RAD23B: variants seen among roughly 807,000 people sequenced by gnomAD.
RAD23B encodes lysine-specific demethylase RAD23B.
A neutral mutation model predicts 49.1 loss-of-function variants in RAD23B; 5 were observed. The observed-to-expected ratio is 0.10, with a 90% confidence interval of 0.05 to 0.21. The LOEUF is 0.21. Among genes scored for constraint, RAD23B ranks in the 10% least tolerant of loss-of-function variants. RAD23B has a pLI of 1.00. For synonymous variants in RAD23B, 184 were observed against 165.4 expected, an observed-to-expected ratio of 1.11 and a Z score of -0.86; for missense variants, 356 against 486.7, an observed-to-expected ratio of 0.73 and a Z score of 2.53.
rs202025007 is a variant in RAD23B, at chr9:107,299,920, TC to T, written c.67-220del. The stretch of plus-strand genomic sequence containing the variant: ...AGTTCAACTAGTAAATTTTTAAAAA[TC>T]TGTGTGTATCAGATGGTGTTAAAGT... On this transcript the variant is annotated intron_variant, in intron 1 of 9. Coordinates refer to ENST00000358015, the MANE Select transcript of RAD23B (RefSeq NM_002874.5). Among the ~76,000 whole-genome samples, 64 of 152,286 alleles carry T rather than the reference TC, an allele frequency of 4.2e-4. 2 individuals are homozygous for T. The East Asian group carries it at 0.011, about 26-fold the overall frequency.
intron 1 of RAD23B, among the ~76,000 whole-genome samples, chr9:107,285,302 G>C (rs1337757753): frequency 6.6e-6 from 1 of 152,188 alleles, no homozygotes; most frequent in Admixed American, 6.5e-5. Flanking sequence ...GAGTTTGTTT[G>C]ATGATTTCAG....
At chr9:107,297,253 G>T (rs1024634571) in intron 1 of RAD23B, among the ~76,000 whole-genome samples, 39 of 151,672 alleles carry the variant, frequency 2.6e-4, no homozygotes, top group African/African-American at 9.0e-4. Flanking sequence ...AACATTTTTA[G>T]TGTTTAGTCT....
chr9:107,331,358 C>A lies in RAD23B; in HGVS notation c.*1702C>A. On this transcript the variant is annotated 3_prime_UTR_variant, in exon 10 of 10. Coordinates refer to ENST00000358015, the MANE Select transcript of RAD23B (RefSeq NM_002874.5). ...TCTATACTAAAAATACAAAAAATAG[C>A]CAGGCATGGTGGCGCACGCCTGTGG... is the stretch of plus-strand genomic sequence containing the variant. The A allele has an allele frequency of 4.3e-6, 1 of 231,852 alleles. No individual in the cohort carries two copies. The highest frequency in any genetic ancestry group is 8.4e-6 in the Non-Finnish European group (1 of 119,640). The allele number at this position is 231,852 out of a possible 1,614,324, so 14.4% of individuals were successfully genotyped here. A position where few individuals can be genotyped will look rare whatever the true frequency, so the allele number is the denominator to read the frequency against.
intron 3 of RAD23B, among the ~76,000 whole-genome samples, chr9:107,304,843 A>T (rs1357705187): frequency 6.6e-6 from 1 of 152,168 alleles, no homozygotes; most frequent in Non-Finnish European, 1.5e-5. Context: ...TACAGTCAGA[A>T]ATCTGCATAT....
intron 6 of RAD23B, among the ~76,000 whole-genome samples, chr9:107,321,438 A>G (rs946885737): frequency 6.6e-6 from 1 of 152,164 alleles, no homozygotes; most frequent in Non-Finnish European, 1.5e-5. Flanking sequence ...GTCTGTATCC[A>G]TTAGATATTT....
At position 107,329,714 on chromosome 9, in the gene RAD23B, G is replaced by A. The variant is rs1827273337; in HGVS notation, c.*58G>A. The A allele has an allele frequency of 9.0e-7, 1 of 1,114,678 alleles. No individual in the cohort carries two copies. The highest frequency in any genetic ancestry group is 1.3e-6 in the Non-Finnish European group (1 of 762,562). The allele number at this position is 1,114,678 out of a possible 1,614,324, so 69.0% of individuals were successfully genotyped here. On this transcript the variant is annotated 3_prime_UTR_variant, in exon 10 of 10. Coordinates refer to ENST00000358015, the MANE Select transcript of RAD23B (RefSeq NM_002874.5). ...AGTGCATTACACTAACTTGTTCACT[G>A]GATTGTCTGGGATGACTTGGGCTCA...
chr9:107,300,268 TTTAG>T (rs1481384260), intron 2 of RAD23B, 46 bp downstream of exon 2: 1 of 1,564,434 alleles, frequency 6.4e-7, no homozygotes, highest in Non-Finnish European at 8.6e-7. Flanking sequence ...TTGATATTCT[TTTAG>T]TTTTAGAAAT....
chr9:107,326,739 T>A (rs1028322818), intron 9 of RAD23B, among the ~76,000 whole-genome samples: 36 of 139,534 alleles, frequency 2.6e-4, no homozygotes, highest in Non-Finnish European at 4.6e-4. Flanking sequence ...GTTCACACCA[T>A]TCTCCTGCCT....
intron 1 of RAD23B, among the ~76,000 whole-genome samples, chr9:107,288,644 C>T (rs933048703): frequency 5.3e-5 from 8 of 152,088 alleles, no homozygotes; most frequent in African/African-American, 1.9e-4. Flanking sequence ...GACAGGGTTT[C>T]ATCATGTTGC....
At chr9:107,312,508 C>G (rs530685086) in intron 5 of RAD23B, among the ~76,000 whole-genome samples, 87 of 152,274 alleles carry the variant, frequency 5.7e-4, no homozygotes, top group African/African-American at 2.0e-3. Context: ...GCTAGTTGGA[C>G]TGGAACTCCG....
At chr9:107,327,442 T>A (rs1827228720) in intron 9 of RAD23B, among the ~76,000 whole-genome samples, 1 of 152,224 alleles carries the variant, frequency 6.6e-6, no homozygotes. Flanking sequence ...TATAGTAGCA[T>A]CCCATAAGTT....
At chr9:107,324,296 A>G (rs1330041592) in intron 8 of RAD23B, among the ~76,000 whole-genome samples, 1 of 152,194 alleles carries the variant, frequency 6.6e-6, no homozygotes, top group Non-Finnish European at 1.5e-5. Context: ...TATGTTAAAG[A>G]ATTTGGGAAG....
chr9:107,314,274 T>C (rs929726026), intron 5 of RAD23B, among the ~76,000 whole-genome samples: 1 of 152,230 alleles, frequency 6.6e-6, no homozygotes, highest in African/African-American at 2.4e-5. Flanking sequence ...TGGTGAAGTT[T>C]GGGCTTTTAG....
At chr9:107,290,824 A>G (rs1171296115) in intron 1 of RAD23B, among the ~76,000 whole-genome samples, 2 of 152,218 alleles carry the variant, frequency 1.3e-5, no homozygotes, top group Non-Finnish European at 2.9e-5. Flanking sequence ...AGATTGACAT[A>G]ATCAGCAATT....
At chr9:107,314,747 C>T (rs754817967) in intron 5 of RAD23B, among the ~76,000 whole-genome samples, 12 of 152,124 alleles carry the variant, frequency 7.9e-5, no homozygotes, top group Admixed American at 3.9e-4. Flanking sequence ...CAGAAATTTC[C>T]GTACTGTTTT....
chr9:107,330,076 TGGA>T lies in RAD23B; in HGVS notation c.*421_*423del, dbSNP rs1827280548. ...TACAGTCTCTGTTTCATGGCAACACTGGATAATGGCTTTGTGAAATTTAAAAAA... is the reference window on the plus strand; with the variant it reads ...TACAGTCTCTGTTTCATGGCAACACTTAATGGCTTTGTGAAATTTAAAAAA... On this transcript the variant is annotated 3_prime_UTR_variant, in exon 10 of 10. Transcript: ENST00000358015. The surrounding 1 kb of genome is among the most constrained non-coding windows in gnomAD (Gnocchi z 4.4). The T allele has an allele frequency of 6.5e-5, 10 of 152,920 alleles. No homozygotes were observed. Among genetic ancestry groups the T allele is most frequent in the Admixed American group, 5.2e-4 (8 of 15,300 alleles). The allele number at this position is 152,920 out of a possible 1,614,324, so 9.5% of individuals were successfully genotyped here.
rs531691122 is a variant in RAD23B at position 107,285,001 on chromosome 9, TATCTC to T, written c.66+1309_66+1313del. 102 of 1,257,126 alleles carry T rather than the reference TATCTC, an allele frequency of 8.1e-5. No individual in the cohort carries two copies. The East Asian group carries it at 3.6e-3, about 44-fold the overall frequency. The allele number at this position is 1,257,126 out of a possible 1,614,324, so 77.9% of individuals were successfully genotyped here. A position where few individuals can be genotyped will look rare whatever the true frequency, so the allele number is the denominator to read the frequency against. ...TGGAGATACAGTGTTACGTTTTACT[TATCTC>T]ATTTAATCTTAAGTTTTGTACATCT... On this transcript the variant is annotated intron_variant, in intron 1 of 9. Transcript: ENST00000358015.
chr9:107,306,210 G>T (rs937663816), intron 3 of RAD23B, among the ~76,000 whole-genome samples, 169 bp from the exon 4 acceptor site: 6 of 151,464 alleles, frequency 4.0e-5, no homozygotes, highest in Middle Eastern at 3.4e-3. Flanking sequence ...GTAACCATGA[G>T]TCAGATTGTT....
intron 1 of RAD23B, chr9:107,285,026 A>T: frequency 2.6e-6 from 3 of 1,166,950 alleles, no homozygotes; most frequent in Non-Finnish European, 3.4e-6. Context: ...TAAGTTTTGT[A>T]CATCTTTAAT....
Sources: gnomAD v4.1 joint callset for allele counts (sites outside exome capture counted in the v4.1 genomes callset) on GRCh38, gnomAD v4.1.1 for gene constraint, Gnocchi (gnomAD v3.1) non-coding constraint, MANE v1.5 for transcripts, NCBI Gene and HGNC (gene_info 2026-07-23, HGNC 2026-07-21) for gene names.